The following DIAPH2 variants were observed in gnomAD, a reference collection of about 807,000 sequenced individuals.
DIAPH2 encodes the protein protein diaphanous homolog 2.
In DIAPH2, 35 loss-of-function variants were observed where a neutral mutation model predicts 92.7. The observed-to-expected ratio is 0.38, with a 90% CI of 0.29 to 0.50. The LOEUF is 0.50. Among genes scored for constraint, DIAPH2 ranks in the 20% least tolerant of loss-of-function variants. The pLI is 0.94. For missense variants in DIAPH2, 701 were observed against 819.5 expected (o/e 0.86, Z 1.77); for synonymous variants, 301 against 280.4 (o/e 1.07, Z -0.73).
intron 23 of DIAPH2, among the ~76,000 whole-genome samples, chrX:97,286,767 T>G (rs1478954016): frequency 9.0e-6 from 1 of 111,306 alleles, no homozygotes; most frequent in Non-Finnish European, 1.9e-5. Flanking sequence ...GAATCCTGTC[T>G]GTATACCACT....
intron 17 of DIAPH2, among the ~76,000 whole-genome samples, chrX:97,065,704 C>T (rs1296125059): frequency 1.8e-5 from 2 of 110,796 alleles, no homozygotes; most frequent in East Asian, 2.8e-4. Flanking sequence ...AAAACAGCCT[C>T]AGGCAGGTCT....
chrX:96,932,050 T>TC (rs1484321961), intron 10 of DIAPH2, among the ~76,000 whole-genome samples: 1 of 111,182 alleles, frequency 9.0e-6, no homozygotes, highest in African/African-American at 3.3e-5. Flanking sequence ...GTTTTTTTTT[T>TC]CACTAATTTT....
chrX:96,956,495 C>T lies in DIAPH2; in HGVS notation c.1615-1333C>T, dbSNP rs779824066. 8.0e-5 allele frequency among the ~76,000 whole-genome samples: 9 copies of T among 112,185 alleles called. No homozygotes were observed. The East Asian group carries it at 1.7e-3, about 21-fold the overall frequency. On this transcript the variant is annotated intron_variant, in intron 15 of 26. Coordinates refer to ENST00000324765, the MANE Select transcript of DIAPH2 (RefSeq NM_006729.5). Reference sequence around the variant, plus strand: ...AGGGCTTGAATTTCTCCCCAGAAAACGGATTTTTCTTTACTACTGCATTGT... The same window carrying T: ...AGGGCTTGAATTTCTCCCCAGAAAATGGATTTTTCTTTACTACTGCATTGT...
chrX:97,071,309 A>G (rs971011954), intron 17 of DIAPH2, among the ~76,000 whole-genome samples: 8 of 111,773 alleles, frequency 7.2e-5, no homozygotes, highest in African/African-American at 2.6e-4. Context: ...TATTTGAGAT[A>G]TGTTTTAATG....
At chrX:96,713,506 A>G (rs1169382515) in intron 1 of DIAPH2, among the ~76,000 whole-genome samples, 1 of 111,549 alleles carries the variant, frequency 9.0e-6, no homozygotes, top group Non-Finnish European at 1.9e-5. Context: ...TCATTCACCC[A>G]GAGTCCATAG....
At chrX:97,417,656 C>T (rs2069962793) in intron 25 of DIAPH2, among the ~76,000 whole-genome samples, 1 of 110,832 alleles carries the variant, frequency 9.0e-6, no homozygotes, top group Admixed American at 9.7e-5. Flanking sequence ...GCCTGGGTGA[C>T]AGAGAAGGAC....
intron 23 of DIAPH2, among the ~76,000 whole-genome samples, chrX:97,312,116 C>T (rs2068799785): frequency 2.7e-5 from 3 of 110,845 alleles, no homozygotes; most frequent in South Asian, 3.8e-4. Context: ...GCGTGAGCCA[C>T]CATGCCGGCC....
intron 4 of DIAPH2, among the ~76,000 whole-genome samples, chrX:96,764,871 T>C (rs1372805183): frequency 1.8e-5 from 2 of 111,351 alleles, no homozygotes; most frequent in Non-Finnish European, 3.8e-5. Flanking sequence ...ATAACGAGTT[T>C]GGGGAGATAA....
At chrX:97,277,024 T>TA (rs1366378222) in intron 23 of DIAPH2, among the ~76,000 whole-genome samples, 1 of 112,400 alleles carries the variant, frequency 8.9e-6, no homozygotes, top group Non-Finnish European at 1.9e-5. Context: ...AAATGTTCTT[T>TA]AAAAAATGCC....
At chrX:96,955,429 G>A (rs1569434677) in intron 15 of DIAPH2, among the ~76,000 whole-genome samples, 1 of 111,478 alleles carries the variant, frequency 9.0e-6, no homozygotes, top group Non-Finnish European at 1.9e-5. Flanking sequence ...TCCACCCTTA[G>A]CCCTTCCCAA....
intron 17 of DIAPH2, among the ~76,000 whole-genome samples, chrX:97,001,867 G>A (rs1444239336): frequency 3.6e-5 from 4 of 111,001 alleles, no homozygotes; most frequent in Non-Finnish European, 7.5e-5. Flanking sequence ...ATTTAGCAAT[G>A]TATTTAAGTG....
chrX:96,902,306 C>T (rs964778341), intron 5 of DIAPH2, among the ~76,000 whole-genome samples: 2 of 111,614 alleles, frequency 1.8e-5, no homozygotes, highest in Non-Finnish European at 3.8e-5. Context: ...TACATTTGTT[C>T]TAGGATACAG....
intron 17 of DIAPH2, among the ~76,000 whole-genome samples, chrX:97,001,045 G>A (rs949370032): frequency 2.7e-5 from 3 of 112,172 alleles, no homozygotes; most frequent in African/African-American, 9.7e-5. Flanking sequence ...CTATGCCTGA[G>A]TGGAGCCTTT....
intron 23 of DIAPH2, among the ~76,000 whole-genome samples, chrX:97,315,129 C>T (rs1228680576): frequency 9.0e-6 from 1 of 110,921 alleles, no homozygotes; most frequent in Non-Finnish European, 1.9e-5. Flanking sequence ...CCCTTAAAGA[C>T]CCTATAAGAG....
chrX:97,541,641 C>G (rs928524791), intron 26 of DIAPH2, among the ~76,000 whole-genome samples: 1 of 112,083 alleles, frequency 8.9e-6, no homozygotes, highest in Admixed American at 9.4e-5. Context: ...CCATGATATA[C>G]TTGGGCTGGG....
chrX:97,472,365 A>G (rs142340042), intron 26 of DIAPH2, among the ~76,000 whole-genome samples: 2,014 of 112,558 alleles, frequency 0.018, 38 homozygotes, highest in African/African-American at 0.062. Flanking sequence ...AGGACCAATG[A>G]CATAATGCCC....
intron 26 of DIAPH2, chrX:97,564,268 T>A (rs1054682062): frequency 2.7e-5 from 3 of 112,368 alleles, no homozygotes; most frequent in African/African-American, 9.7e-5. Context: ...AACATTTGGA[T>A]AGGATAAATG....
At chrX:97,284,301 G>A (rs1186065199) in intron 23 of DIAPH2, among the ~76,000 whole-genome samples, 1 of 111,715 alleles carries the variant, frequency 9.0e-6, no homozygotes, top group Non-Finnish European at 1.9e-5. Flanking sequence ...GTTTATGCAT[G>A]CAATACATGA....
intron 17 of DIAPH2, among the ~76,000 whole-genome samples, chrX:97,024,222 A>G (rs904039468): frequency 3.6e-5 from 4 of 112,322 alleles, no homozygotes; most frequent in Non-Finnish European, 7.5e-5. Flanking sequence ...ACCTGGAAAA[A>G]TATTTCGATT....
Sources: gnomAD v4.1 joint callset for allele counts (sites outside exome capture counted in the v4.1 genomes callset) on GRCh38, gnomAD v4.1.1 for gene constraint, MANE v1.5 for transcripts, NCBI Gene and HGNC (gene_info 2026-07-23, HGNC 2026-07-21) for gene names.